Variants in DGKB observed in about 807,000 individuals in gnomAD.
The protein encoded by DGKB is 90 kDa diacylglycerol kinase.
In DGKB, 67 loss-of-function variants were observed where a neutral mutation model predicts 114.3. That is an observed-to-expected ratio of 0.59 (90% CI 0.48 to 0.72). DGKB has a LOEUF of 0.72. DGKB is among the 30% of genes least tolerant of loss of function. The pLI, the probability that DGKB is intolerant of heterozygous loss-of-function variation, is 0.00. For synonymous variants in DGKB, 398 were observed against 323.1 expected (o/e 1.23, Z -2.49); for missense variants, 907 against 975.2 (o/e 0.93, Z 0.93).
intron 13 of DGKB, among the ~76,000 whole-genome samples, chr7:14,641,487 T>G: frequency 1.3e-5 from 1 of 76,438 alleles, no homozygotes; most frequent in African/African-American, 4.2e-5. Flanking sequence ...ATTTTATCTT[T>G]CTCATTTTGG....
At chr7:14,859,957 T>C (rs1850733571) in intron 1 of DGKB, among the ~76,000 whole-genome samples, 1 of 152,044 alleles carries the variant, frequency 6.6e-6, no homozygotes, top group South Asian at 2.1e-4. Flanking sequence ...AGTTAGGCAA[T>C]ATGACCCAGA....
At chr7:14,647,793 T>C (rs76513117) in intron 13 of DGKB, among the ~76,000 whole-genome samples, 3 of 152,086 alleles carry the variant, frequency 2.0e-5, no homozygotes, top group Non-Finnish European at 4.4e-5. Context: ...GCGCGCACCA[T>C]GCGCGAGCCG....
intron 13 of DGKB, among the ~76,000 whole-genome samples, chr7:14,641,054 A>T (rs764952456): frequency 2.0e-5 from 3 of 152,200 alleles, no homozygotes; most frequent in African/African-American, 4.8e-5. Flanking sequence ...AGAAGTTCAC[A>T]TATTTGGGAG....
At chr7:14,384,730 T>C (rs1340851489) in intron 21 of DGKB, among the ~76,000 whole-genome samples, 1 of 152,200 alleles carries the variant, frequency 6.6e-6, no homozygotes, top group East Asian at 1.9e-4. Flanking sequence ...TGGGGTCAAT[T>C]GTGTCTGCCA....
intron 20 of DGKB, among the ~76,000 whole-genome samples, chr7:14,547,974 A>C (rs963664380): frequency 5.3e-5 from 8 of 152,202 alleles, no homozygotes; most frequent in African/African-American, 1.9e-4. Flanking sequence ...ACAGCTTTTT[A>C]CTATTCCCAT....
chr7:14,947,257 A>T (rs925030766), intron 1 of DGKB, among the ~76,000 whole-genome samples: 1 of 151,728 alleles, frequency 6.6e-6, no homozygotes, highest in African/African-American at 2.4e-5. Context: ...CCTAGCAACA[A>T]GAAGATTGTT....
At position 14,798,964 on chromosome 7, in the gene DGKB, T is replaced by C. The variant is rs543489820; in HGVS notation, c.71-41233A>G. On this transcript the variant is annotated intron_variant, in intron 2 of 25. Transcript: ENST00000402815. ...AAGCAATACTGCGTCCCTGAGGGAT[T>C]ACAGAAATTAGTGCCATCATCAAGA... Among the ~76,000 whole-genome samples, 16 of 152,316 alleles carry C rather than the reference T, an allele frequency of 1.1e-4. No homozygotes were observed. In the East Asian group the frequency reaches 3.1e-3, roughly 29 times the overall value.
intron 1 of DGKB, among the ~76,000 whole-genome samples, chr7:14,895,945 A>G (rs1200047990): frequency 6.6e-6 from 1 of 151,758 alleles, no homozygotes; most frequent in Non-Finnish European, 1.5e-5. Flanking sequence ...CTGTCTCAGC[A>G]AAACAAGTTA....
chr7:14,216,696 A>C (rs1210783725), intron 23 of DGKB, among the ~76,000 whole-genome samples: 2 of 146,404 alleles, frequency 1.4e-5, no homozygotes, highest in Non-Finnish European at 3.0e-5. Context: ...ATTACACTCC[A>C]ACCTGGGTGA....
Position 14,299,246 on chromosome 7 carries a change from G to C in DGKB, c.2122+39269C>G, listed in dbSNP as rs200813120. ...GTAAGTAGAAGCAGATAGAAAAAGA[G>C]GCATTTCATAATCATTTCAGGTTGT... On this transcript the variant is annotated intron_variant, in intron 23 of 25. Transcript: ENST00000402815. 7.9e-5 allele frequency among the ~76,000 whole-genome samples: 12 copies of C among 152,148 alleles called. No homozygotes were observed. In the East Asian group the frequency reaches 2.3e-3, roughly 29 times the overall value.
At chr7:14,401,709 T>C (rs780610245) in intron 21 of DGKB, among the ~76,000 whole-genome samples, 10 of 151,756 alleles carry the variant, frequency 6.6e-5, no homozygotes, top group Non-Finnish European at 1.2e-4. Context: ...TTCAAATAAT[T>C]GATATAATAG....
At position 14,437,303 on chromosome 7, in the gene DGKB, C is replaced by T. The variant is rs75235068; in HGVS notation, c.1835+40858G>A. Among the ~76,000 whole-genome samples the T allele has an allele frequency of 5.3e-3, 802 of 152,082 alleles. 5 individuals are homozygous for T. The highest frequency in any genetic ancestry group is 0.017 in the Middle Eastern group (5 of 294). Reference sequence around the variant, plus strand: ...CCAAGTCCATAAGAATAGAGAACAACTTTTTCTTTATTCAGTAATGCAGAA... The same window carrying T: ...CCAAGTCCATAAGAATAGAGAACAATTTTTTCTTTATTCAGTAATGCAGAA... On this transcript the variant is annotated intron_variant, in intron 21 of 25. Transcript: ENST00000402815.
chr7:14,220,108 C>T (rs1584530735), intron 23 of DGKB, among the ~76,000 whole-genome samples: 1 of 151,552 alleles, frequency 6.6e-6, no homozygotes, highest in South Asian at 2.1e-4. Flanking sequence ...TCCCCGGCTA[C>T]AAAACTGTAC....
intron 13 of DGKB, among the ~76,000 whole-genome samples, chr7:14,644,535 T>C (rs745635337): frequency 1.3e-5 from 2 of 152,116 alleles, no homozygotes; most frequent in African/African-American, 4.8e-5. Flanking sequence ...ACAGAAATCA[T>C]AGAACTGAAG....
At chr7:14,176,628 C>T (rs1781778157) in intron 25 of DGKB, 1 of 1,293,760 alleles carries the variant, frequency 7.7e-7, no homozygotes, top group Non-Finnish European at 9.8e-7. Flanking sequence ...TAGGCTAACA[C>T]AAACATTCAA....
At chr7:14,937,834 T>A (rs1203678872) in intron 1 of DGKB, among the ~76,000 whole-genome samples, 1 of 152,198 alleles carries the variant, frequency 6.6e-6, no homozygotes, top group African/African-American at 2.4e-5. Flanking sequence ...ATGACCTTTA[T>A]GATGATCCAC....
At chr7:14,731,412 T>G (rs1830902253) in intron 5 of DGKB, among the ~76,000 whole-genome samples, 1 of 152,110 alleles carries the variant, frequency 6.6e-6, no homozygotes, top group South Asian at 2.1e-4. Context: ...AGTCATGTGT[T>G]GAAATGAGAA....
chr7:14,715,027 G>T (rs1827967217), intron 6 of DGKB, among the ~76,000 whole-genome samples: 2 of 152,076 alleles, frequency 1.3e-5, no homozygotes, highest in Admixed American at 6.6e-5. Flanking sequence ...TTATCCCATG[G>T]GACAGAGACT....
At chr7:14,407,077 T>A (rs1020671855) in intron 21 of DGKB, among the ~76,000 whole-genome samples, 1 of 151,826 alleles carries the variant, frequency 6.6e-6, no homozygotes, top group African/African-American at 2.4e-5. Context: ...AGTGAAGAAG[T>A]GTGAGAGCTA....
Sources: allele counts gnomAD v4.1 joint callset (sites outside exome capture counted in the v4.1 genomes callset), GRCh38; gene constraint gnomAD v4.1.1; transcripts MANE v1.5; gene names NCBI Gene and HGNC (gene_info 2026-07-23, HGNC 2026-07-21).